Variants in KDM4C observed in about 807,000 individuals in gnomAD.
KDM4C encodes lysine-specific demethylase 4C.
KDM4C carries 81 observed loss-of-function variants against 129.3 expected under a neutral mutation model. That is an observed-to-expected ratio of 0.63 (90% confidence interval 0.52 to 0.75). The LOEUF is 0.75. Ranked by LOEUF, KDM4C falls within the 30% of genes least tolerant of loss-of-function variation. The pLI is 0.00. For missense variants in KDM4C, 1,457 were observed against 1,304.0 expected (o/e 1.12, Z -1.81); for synonymous variants, 573 against 456.1 (o/e 1.26, Z -3.26).
chr9:7,112,927 T>C (rs890387100), intron 18 of KDM4C, among the ~76,000 whole-genome samples: 1 of 152,230 alleles, frequency 6.6e-6, no homozygotes, highest in African/African-American at 2.4e-5. Context: ...ATTTGGATAT[T>C]GCAAACTAAA....
intron 8 of KDM4C, among the ~76,000 whole-genome samples, chr9:6,957,970 A>G (rs1328534782): frequency 2.0e-5 from 3 of 152,188 alleles, no homozygotes; most frequent in Non-Finnish European, 4.4e-5. Context: ...GCCATGGAGA[A>G]GTTGGGTGGT....
At chr9:6,953,549 G>A (rs1273397419) in intron 8 of KDM4C, among the ~76,000 whole-genome samples, 1 of 152,136 alleles carries the variant, frequency 6.6e-6, no homozygotes, top group Non-Finnish European at 1.5e-5. Context: ...ATATAAAATT[G>A]ATTTTGATAG....
At chr9:6,920,858 A>G (rs902147415) in intron 8 of KDM4C, among the ~76,000 whole-genome samples, 2 of 152,166 alleles carry the variant, frequency 1.3e-5, no homozygotes, top group Non-Finnish European at 2.9e-5. Context: ...GGAGGAAGTC[A>G]GAGAGGCCTT....
chr9:7,098,903 AAATC>A (rs1453048667), intron 17 of KDM4C, among the ~76,000 whole-genome samples: 1 of 152,086 alleles, frequency 6.6e-6, no homozygotes, highest in Admixed American at 6.6e-5. Context: ...GTAGGGTTAA[AAATC>A]AAAGGATTCT....
At chr9:6,895,606 T>A (rs1816285470) in intron 8 of KDM4C, among the ~76,000 whole-genome samples, 1 of 152,096 alleles carries the variant, frequency 6.6e-6, no homozygotes, top group Non-Finnish European at 1.5e-5. Flanking sequence ...ATTGACATAT[T>A]TAGAATCTGC....
intron 1 of KDM4C, among the ~76,000 whole-genome samples, chr9:6,783,850 CA>C (rs1824889120): frequency 6.6e-6 from 1 of 152,130 alleles, no homozygotes; most frequent in South Asian, 2.1e-4. Flanking sequence ...CATCAGATTG[CA>C]GATGAAGATT....
chr9:6,721,716 G>A (rs1395607724), intron 1 of KDM4C, among the ~76,000 whole-genome samples: 1 of 151,808 alleles, frequency 6.6e-6, no homozygotes, highest in Non-Finnish European at 1.5e-5. Context: ...AGCCTCCTGA[G>A]TAGCTGGGAT....
intron 18 of KDM4C, among the ~76,000 whole-genome samples, chr9:7,106,804 A>C (rs1378584191): frequency 6.6e-6 from 1 of 152,142 alleles, no homozygotes; most frequent in East Asian, 1.9e-4. Flanking sequence ...TAATTATTTT[A>C]AATATATGAG....
At chr9:6,851,034 C>T (rs1588689267) in intron 5 of KDM4C, among the ~76,000 whole-genome samples, 1 of 152,180 alleles carries the variant, frequency 6.6e-6, no homozygotes, top group Non-Finnish European at 1.5e-5. Context: ...AAATTACAGG[C>T]GTGAGCCACC....
intron 17 of KDM4C, among the ~76,000 whole-genome samples, chr9:7,081,098 G>A (rs1834471212): frequency 6.6e-6 from 1 of 152,208 alleles, no homozygotes; most frequent in Non-Finnish European, 1.5e-5. Flanking sequence ...ATTCACATCA[G>A]GCAGGTGAAT....
chr9:6,984,092 A>C, intron 9 of KDM4C, 74 bp from the exon 10 acceptor site: 1 of 887,970 alleles, frequency 1.1e-6, no homozygotes, highest in Non-Finnish European at 1.8e-6. Context: ...AGTGAAAATG[A>C]CATTTATATT....
chr9:7,006,514 A>C (rs1281226809), intron 12 of KDM4C, among the ~76,000 whole-genome samples: 1 of 152,076 alleles, frequency 6.6e-6, no homozygotes, highest in Non-Finnish European at 1.5e-5. Flanking sequence ...AATGGCAAGC[A>C]GGGAGAATAG....
At chr9:6,750,462 C>G (rs1007671098) in intron 1 of KDM4C, among the ~76,000 whole-genome samples, 2 of 150,212 alleles carry the variant, frequency 1.3e-5, no homozygotes, top group African/African-American at 2.4e-5. Flanking sequence ...AAGCTCTTCA[C>G]GAGGCAAAAG....
chr9:6,979,971 CTG>C (rs569955925), intron 8 of KDM4C, among the ~76,000 whole-genome samples: 206 of 152,220 alleles, frequency 1.4e-3, no homozygotes, highest in African/African-American at 4.8e-3. Context: ...GATGAGAACT[CTG>C]TGGTGGGAGT....
At chr9:6,893,943 T>C (rs1846463526) in intron 8 of KDM4C, among the ~76,000 whole-genome samples, 1 of 152,224 alleles carries the variant, frequency 6.6e-6, no homozygotes, top group Non-Finnish European at 1.5e-5. Flanking sequence ...CCTGTGGCTT[T>C]TAAGGGAAAG....
upstream of KDM4C, among the ~76,000 whole-genome samples, chr9:6,752,924 C>T (rs1447846508): frequency 6.6e-6 from 1 of 152,084 alleles, no homozygotes; most frequent in Non-Finnish European, 1.5e-5. Flanking sequence ...GAAAGATGTC[C>T]TGTGATATTC....
chr9:6,995,079 C>A (rs967727004), intron 12 of KDM4C, among the ~76,000 whole-genome samples: 27 of 150,830 alleles, frequency 1.8e-4, no homozygotes, highest in African/African-American at 6.6e-4. Flanking sequence ...CCACCCACAA[C>A]AAAGGAATGA....
At chr9:6,902,908 G>A (rs2130993254) in intron 8 of KDM4C, among the ~76,000 whole-genome samples, 1 of 152,294 alleles carries the variant, frequency 6.6e-6, no homozygotes, top group South Asian at 2.1e-4. Context: ...GCTGAGAGAA[G>A]GAATTTGAAG....
chr9:6,848,742 G>T (rs1838309468), intron 4 of KDM4C, among the ~76,000 whole-genome samples: 1 of 152,056 alleles, frequency 6.6e-6, no homozygotes, highest in Non-Finnish European at 1.5e-5. Flanking sequence ...TCTTATAGTA[G>T]TGACTCTAAC....
Sources: allele counts gnomAD v4.1 joint callset (sites outside exome capture counted in the v4.1 genomes callset), GRCh38; gene constraint gnomAD v4.1.1; transcripts MANE v1.5; gene names NCBI Gene and HGNC (gene_info 2026-07-23, HGNC 2026-07-21).